Variants in DDAH1 observed in about 807,000 individuals in gnomAD.
The protein encoded by DDAH1 is dimethylarginine dimethylaminohydrolase 1.
In DDAH1, 19 loss-of-function variants were observed where a neutral mutation model predicts 28.8. The ratio of observed to expected loss-of-function variants is 0.66; its 90% CI spans 0.46 to 0.97. The LOEUF (loss-of-function observed/expected upper bound fraction) is 0.97. Among genes scored for constraint, DDAH1 ranks in the 50% least tolerant of loss-of-function variants. The pLI is 0.00. For missense variants in DDAH1, 326 were observed against 375.9 expected (o/e 0.87, Z 1.10); for synonymous variants, 153 against 154.4 (o/e 0.99, Z 0.07).
At chr1:85,332,702 G>A (rs1414270224) in intron 4 of DDAH1, among the ~76,000 whole-genome samples, 1 of 152,138 alleles carries the variant, frequency 6.6e-6, no homozygotes, top group African/African-American at 2.4e-5. Context: ...GCCATCAGGG[G>A]GCCTAACAGG....
At chr1:85,475,293 C>G (rs187828465) in intron 2 of DDAH1, among the ~76,000 whole-genome samples, 2 of 152,184 alleles carry the variant, frequency 1.3e-5, no homozygotes, top group African/African-American at 2.4e-5. Flanking sequence ...AAGTGCTCAA[C>G]AAACGTTAGC....
intron 1 of DDAH1, among the ~76,000 whole-genome samples, chr1:85,400,881 T>C (rs1352002786): frequency 6.6e-6 from 1 of 152,188 alleles, no homozygotes; most frequent in Non-Finnish European, 1.5e-5. Context: ...ATCCATCTTT[T>C]GATTGGTTCT....
At chr1:85,457,058 A>T (rs545555599) in intron 1 of DDAH1, among the ~76,000 whole-genome samples, 1 of 152,194 alleles carries the variant, frequency 6.6e-6, no homozygotes, top group African/African-American at 2.4e-5. Flanking sequence ...TTAGAAATGA[A>T]GTGTGCAAAG....
chr1:85,449,729 T>C (rs558833310), intron 1 of DDAH1, among the ~76,000 whole-genome samples: 43 of 151,952 alleles, frequency 2.8e-4, no homozygotes, highest in Non-Finnish European at 4.6e-4. Flanking sequence ...CGGAGATGCA[T>C]GTGTGGTGGG....
intron 1 of DDAH1, among the ~76,000 whole-genome samples, chr1:85,514,799 C>T (rs1189459909): frequency 3.3e-5 from 5 of 152,104 alleles, no homozygotes; most frequent in Admixed American, 1.3e-4. Flanking sequence ...CTCCATAAAT[C>T]GCTGAGCACT....
chr1:85,421,016 A>G (rs1000501826), intron 1 of DDAH1, among the ~76,000 whole-genome samples: 3 of 152,206 alleles, frequency 2.0e-5, no homozygotes, highest in Admixed American at 2.0e-4. Context: ...GTGCTTCACA[A>G]GAGAGAAGGA....
At chr1:85,514,777 C>T (rs1354197863) in intron 1 of DDAH1, among the ~76,000 whole-genome samples, 1 of 152,052 alleles carries the variant, frequency 6.6e-6, no homozygotes, top group Non-Finnish European at 1.5e-5. Context: ...CCCCTGTGTC[C>T]TTGTATCATG....
intron 1 of DDAH1, among the ~76,000 whole-genome samples, chr1:85,389,873 G>A (rs538053423): frequency 2.6e-5 from 4 of 152,246 alleles, no homozygotes; most frequent in South Asian, 4.2e-4. Context: ...CTCACCATTA[G>A]TAAAATATCA....
At chr1:85,331,017 C>T (rs1435564468) in intron 4 of DDAH1, among the ~76,000 whole-genome samples, 1 of 152,206 alleles carries the variant, frequency 6.6e-6, no homozygotes, top group Non-Finnish European at 1.5e-5. Context: ...ATTGTGGCCA[C>T]ACTGTCATGG....
intron 3 of DDAH1, 71 bp downstream of exon 3, chr1:85,351,435 T>C: frequency 2.4e-6 from 3 of 1,225,118 alleles, no homozygotes; most frequent in Non-Finnish European, 3.6e-6. Flanking sequence ...ACTCATGACA[T>C]TGATTCAATG....
chr1:85,568,374 T>A (rs1659363033), intron 1 of DDAH1, among the ~76,000 whole-genome samples: 1 of 152,210 alleles, frequency 6.6e-6, no homozygotes, highest in African/African-American at 2.4e-5. Flanking sequence ...TGCCACTAAA[T>A]GTAATGGAAT....
chr1:85,454,182 T>C (rs1654784979), intron 1 of DDAH1, among the ~76,000 whole-genome samples: 3 of 152,224 alleles, frequency 2.0e-5, no homozygotes, highest in African/African-American at 4.8e-5. Context: ...TGCTTTCCTG[T>C]CTTAACATAA....
intron 4 of DDAH1, 95 bp downstream of exon 4, chr1:85,350,320 C>T (rs1649124627): frequency 6.7e-7 from 1 of 1,500,778 alleles, no homozygotes; most frequent in African/African-American, 1.4e-5. Context: ...CTCTCCCTGC[C>T]AACCCTGCTT....
In DDAH1 at chr1:85,427,069, G is replaced by T. The variant is rs74098825; in HGVS notation, c.303+37674C>A. Among the ~76,000 whole-genome samples the T allele has an allele frequency of 6.0e-3, 918 of 152,082 alleles. 9 individuals carry two copies. The highest frequency in any genetic ancestry group is 0.021 in the African/African-American group (885 of 41,466). Reference sequence around the variant, plus strand: ...ACGAAGGCAAATAAGTCTCAGAAAAGTTAAGTGACTTCCACAGGATCATAG... The same window carrying T: ...ACGAAGGCAAATAAGTCTCAGAAAATTTAAGTGACTTCCACAGGATCATAG... On this transcript the variant is annotated intron_variant, in intron 1 of 5. Coordinates refer to ENST00000284031, the MANE Select transcript of DDAH1 (RefSeq NM_012137.4).
At chr1:85,572,559 A>C (rs1015445150) in intron 1 of DDAH1, among the ~76,000 whole-genome samples, 6 of 152,240 alleles carry the variant, frequency 3.9e-5, no homozygotes, top group Non-Finnish European at 8.8e-5. Context: ...AGTTGTTTAT[A>C]AAGATCTGAT....
chr1:85,477,229 C>T (rs1468320344), intron 2 of DDAH1, among the ~76,000 whole-genome samples: 1 of 152,114 alleles, frequency 6.6e-6, no homozygotes, highest in Non-Finnish European at 1.5e-5. Context: ...CTATGTGCTA[C>T]AGCTGGAATG....
intron 1 of DDAH1, among the ~76,000 whole-genome samples, chr1:85,533,257 A>G: frequency 6.6e-6 from 1 of 152,246 alleles, no homozygotes; most frequent in East Asian, 1.9e-4. Flanking sequence ...TAACCTTTAC[A>G]AATTGCTACA....
intron 1 of DDAH1, chr1:85,577,927 G>C: frequency 1.0e-6 from 1 of 977,504 alleles, no homozygotes; most frequent in Non-Finnish European, 1.2e-6. Context: ...TATGGGGAGG[G>C]TGAAGGAGAA....
intron 1 of DDAH1, among the ~76,000 whole-genome samples, chr1:85,387,359 AC>A (rs754867894): frequency 2.6e-5 from 4 of 152,112 alleles, no homozygotes; most frequent in African/African-American, 4.8e-5. Context: ...CAGCTACACC[AC>A]TTCTTGAGTG....
Sources: allele counts gnomAD v4.1 joint callset (sites outside exome capture counted in the v4.1 genomes callset), GRCh38; gene constraint gnomAD v4.1.1; transcripts MANE v1.5; gene names NCBI Gene and HGNC (gene_info 2026-07-23, HGNC 2026-07-21).